Variants in STARD8 observed in about 807,000 individuals in gnomAD.
The protein encoded by STARD8 is stAR-related lipid transfer protein 8.
A neutral mutation model predicts 69.4 loss-of-function variants in STARD8; 25 were observed. That is an observed-to-expected ratio of 0.36 (90% CI 0.26 to 0.50). The LOEUF (loss-of-function observed/expected upper bound fraction) is 0.50, where lower values mean the gene tolerates loss of function less well. Ranked by LOEUF, STARD8 falls within the 20% of genes least tolerant of loss-of-function variation. The pLI is 0.96. For missense variants in STARD8, 921 were observed against 932.5 expected, an observed-to-expected ratio of 0.99 and a Z score of 0.16; for synonymous variants, 389 against 374.6, an observed-to-expected ratio of 1.04 and a Z score of -0.45.
At position 68,651,992 on chromosome X, in the gene STARD8, C is replaced by CAT. The variant is rs1569350424; in HGVS notation, c.45+4065_45+4066insAT. 5.6e-5 allele frequency among the ~76,000 whole-genome samples: 6 copies of CAT among 107,405 alleles called. No individual in the cohort carries two copies. In the South Asian group the frequency reaches 2.5e-3, roughly 45 times the overall value. The allele number at this position is 107,405 out of a possible 115,157, so 93.3% of individuals were successfully genotyped here. On this transcript the variant is annotated intron_variant, in intron 1 of 14. Coordinates refer to ENST00000374599, the MANE Select transcript of STARD8 (RefSeq NM_001142503.3). ...CCTCCCGAGTAGCTGGAATTACAGG[C>CAT]GCCCGCCACCACGCCCAGCTAATTT...
chrX:68,724,388 C>A lies in STARD8; in HGVS notation c.3278C>A (p.Thr1093Asn). ...GCAAAGATCCGGGACTCCTTCCCCA[C>A]CCTGCAGGCAGCGGGCCCTGAGACA... is the stretch of plus-strand genomic sequence containing the variant. ...EVAKIRDSFP[T>N]LQAAGPETKL The change falls in exon 15 of 15, where the codon ACC becomes AAC. Residue 1093 changes from threonine to asparagine, a missense_variant. Coordinates refer to ENST00000374599, the MANE Select transcript of STARD8 (RefSeq NM_001142503.3). The A allele has an allele frequency of 8.3e-7, 1 of 1,205,920 alleles. No homozygotes were observed. The highest frequency in any genetic ancestry group is 2.2e-5 in the Admixed American group (1 of 45,601).
chrX:68,717,108 C>T, intron 5 of STARD8, 104 bp from the exon 6 acceptor site: 1 of 1,066,172 alleles, frequency 9.4e-7, no homozygotes, highest in Non-Finnish European at 1.2e-6. Context: ...AAAGCAGGGC[C>T]CTTCACCTCA....
Position 68,717,502 on chromosome X carries a change from C to T in STARD8, c.588C>T (p.Pro196=), listed in dbSNP as rs1176674523. ...LLSPTQGQEG[P]QDKAKKRHRN... is the part of the protein sequence containing the mutation. ...GCCCCACCCAGGGCCAGGAGGGTCC[C>T]CAGGACAAAGCCAAGAAGCGCCATC... Residue 196 remains proline, a synonymous_variant, in exon 6 of 15, where the codon CCC becomes CCT. Coordinates refer to ENST00000374599, the MANE Select transcript of STARD8 (RefSeq NM_001142503.3). 8.3e-7 allele frequency: 1 copy of T among 1,210,803 alleles called. No homozygotes were observed. Among genetic ancestry groups the T allele is most frequent in the South Asian group, 1.8e-5 (1 of 56,956 alleles).
intron 7 of STARD8, among the ~76,000 whole-genome samples, chrX:68,719,944 C>T (rs1364635419): frequency 1.8e-5 from 2 of 112,566 alleles, no homozygotes; most frequent in Non-Finnish European, 3.8e-5. Context: ...TGAGTTACCA[C>T]GTCCTCTCCG....
chrX:68,719,376 C>T lies in STARD8; in HGVS notation c.1867C>T (p.Pro623Ser), dbSNP rs753118177. The change falls in exon 7 of 15, where the codon CCC (proline) becomes TCC (serine). Residue 623 changes from proline (P) to serine (S), a missense_variant. Physicochemically the swap from Pro to Ser is moderately conservative, Grantham distance 74 (BLOSUM62 -1). Transcript: ENST00000374599. ...LTAFMEKYTV[P>S]HKQGWVWSMP... The stretch of plus-strand genomic sequence containing the variant: ...CGCGTTCATGGAGAAGTACACTGTG[C>T]CCCACAAGCAGGGCTGGGTCTGGTG... 3 of 1,186,770 alleles carry T rather than the reference C, an allele frequency of 2.5e-6. No homozygotes were observed. The African/African-American group carries it at 5.2e-5, about 21-fold the overall frequency.
chrX:68,717,815 G>A lies in STARD8; in HGVS notation c.901G>A (p.Val301Ile), dbSNP rs147733475. The change falls in exon 6 of 15, where the codon GTT becomes ATT. Residue 301 changes from valine (V) to isoleucine (I), a missense_variant. Coordinates refer to ENST00000374599, the MANE Select transcript of STARD8 (RefSeq NM_001142503.3). The stretch of plus-strand genomic sequence containing the variant: ...ACACCGGGGTGATTGCCTGGTGCAC[G>A]TTCCTGGGGACCACAAACCAGGCAC... ...WTHRGDCLVH[V>I]PGDHKPGTFP... 28 of 1,210,102 alleles carry A rather than the reference G, an allele frequency of 2.3e-5. No homozygotes were observed. Among genetic ancestry groups the A allele is most frequent in the Middle Eastern group, 2.3e-4 (1 of 4,371 alleles).
Position 68,718,159 on chromosome X carries a change from T to C in STARD8, c.1245T>C (p.Pro415=). ...GGGCCATGTACCCAGACCTGGGGCC[T>C]GGAGATGAGGAAGAGGAGGAGGCCA... ...WSRAMYPDLG[P]GDEEEEEATS... is the part of the protein sequence containing the mutation. Residue 415 remains proline, a synonymous_variant, in exon 6 of 15, where the codon CCT becomes CCC. Coordinates refer to ENST00000374599, the MANE Select transcript of STARD8 (RefSeq NM_001142503.3). The C allele has an allele frequency of 8.3e-7, 1 of 1,211,461 alleles. No homozygotes were observed. Among genetic ancestry groups the C allele is most frequent in the Non-Finnish European group, 1.1e-6 (1 of 895,399 alleles).
intron 2 of STARD8, among the ~76,000 whole-genome samples, chrX:68,667,354 C>T (rs2079690041): frequency 1.8e-5 from 2 of 111,727 alleles, no homozygotes; most frequent in Admixed American, 9.5e-5. Context: ...TCTACATCTA[C>T]AAAATGGAGC....
intron 1 of STARD8, among the ~76,000 whole-genome samples, chrX:68,661,874 TTCTTTTCCTTCC>T (rs2079646392): frequency 1.1e-5 from 1 of 92,079 alleles, no homozygotes; most frequent in African/African-American, 4.8e-5. Context: ...CCTTCTTTCT[TTCTTTTCCTTCC>T]TTCCTTCCTT....
At chrX:68,676,396 A>T (rs2079765643) in intron 2 of STARD8, among the ~76,000 whole-genome samples, 1 of 112,508 alleles carries the variant, frequency 8.9e-6, no homozygotes, top group East Asian at 2.8e-4. Flanking sequence ...GAAAGGAAAG[A>T]AAACAGGAAA....
chrX:68,671,409 C>T (rs1379809134), intron 2 of STARD8, among the ~76,000 whole-genome samples: 1 of 112,586 alleles, frequency 8.9e-6, no homozygotes. Flanking sequence ...TCTTTCCTGT[C>T]TCTCCCATAG....
chrX:68,693,867 G>C (rs1338622102), intron 2 of STARD8: 2 of 729,174 alleles, frequency 2.7e-6, no homozygotes, highest in Non-Finnish European at 3.2e-6. Flanking sequence ...CCAGACAAAC[G>C]GGGGCGCCTG....
chrX:68,688,553 C>T (rs761906673), intron 2 of STARD8, among the ~76,000 whole-genome samples: 5 of 111,291 alleles, frequency 4.5e-5, no homozygotes, highest in South Asian at 3.8e-4. Context: ...GGCTCCTCCT[C>T]GCCTTCCCAG....
chrX:68,718,537 T>C lies in STARD8; in HGVS notation c.1623T>C (p.Ala541=). Residue 541 remains alanine (A), a synonymous_variant, in exon 6 of 15, where the codon GCT becomes GCC. Coordinates refer to ENST00000374599, the MANE Select transcript of STARD8 (RefSeq NM_001142503.3). The part of the protein sequence containing the change: ...LDSSGNSMNE[A]EAAGPLAGLQ... ...GTAGTGGGAACTCCATGAATGAGGC[T>C]GAGGCTGCGGGGCCCCTGGCTGGAC... 1.6e-6 allele frequency: 2 copies of C among 1,212,216 alleles called. No homozygotes were observed. Among genetic ancestry groups the C allele is most frequent in the Non-Finnish European group, 2.2e-6 (2 of 895,577 alleles).
At chrX:68,648,866 G>A (rs2079530941) in intron 1 of STARD8, among the ~76,000 whole-genome samples, 1 of 112,080 alleles carries the variant, frequency 8.9e-6, no homozygotes, top group Admixed American at 9.5e-5. Flanking sequence ...CCAGACCTAG[G>A]CACTTTTAAT....
At chrX:68,696,342 G>A (rs1226588336) in intron 2 of STARD8, among the ~76,000 whole-genome samples, 2 of 111,876 alleles carry the variant, frequency 1.8e-5, no homozygotes, top group Non-Finnish European at 3.8e-5. Context: ...TTGTGTGTGC[G>A]CACGTGTGCA....
chrX:68,659,416 T>C (rs2079630998), intron 1 of STARD8, among the ~76,000 whole-genome samples: 1 of 111,158 alleles, frequency 9.0e-6, no homozygotes, highest in Admixed American at 9.6e-5. Flanking sequence ...ACCCTCAGGG[T>C]CAGGAAGTGG....
At chrX:68,693,629 C>T (rs1250201207) in intron 2 of STARD8, 20 of 753,290 alleles carry the variant, frequency 2.7e-5, no homozygotes, top group East Asian at 1.5e-4. Flanking sequence ...CCGACGCTCC[C>T]TCCCCACTTG....
In STARD8 at chrX:68,694,360, G is replaced by A. The variant is rs4844102; in HGVS notation, c.80-18554G>A. On this transcript the variant is annotated intron_variant, in intron 2 of 14. Coordinates refer to ENST00000374599, the MANE Select transcript of STARD8 (RefSeq NM_001142503.3). ...TTCTTGGTATTAAGATAGCTGCGGG[G>A]ACCAAGCGAAAACGTTTGGACACGT... 4.7e-3 allele frequency among the ~76,000 whole-genome samples: 525 copies of A among 112,791 alleles called. 11 individuals are homozygous for A. Among genetic ancestry groups the A allele is most frequent in the Admixed American group, 0.041 (442 of 10,756 alleles).
Sources: allele counts gnomAD v4.1 joint callset (sites outside exome capture counted in the v4.1 genomes callset), GRCh38; gene constraint gnomAD v4.1.1; transcripts MANE v1.5; gene names NCBI Gene and HGNC (gene_info 2026-07-23, HGNC 2026-07-21).